Variants in PCDH15 observed in about 807,000 individuals in gnomAD.
PCDH15 encodes the protein protocadherin related 15.
PCDH15 carries 129 observed loss-of-function variants against 178.5 expected under a neutral mutation model. The observed-to-expected ratio is 0.72, with a 90% CI of 0.63 to 0.84. The LOEUF (loss-of-function observed/expected upper bound fraction) is 0.84. Among genes scored for constraint, PCDH15 ranks in the 40% least tolerant of loss-of-function variants. The pLI is 0.00. For synonymous variants in PCDH15, 800 were observed against 732.0 expected (o/e 1.09, Z -1.50); for missense variants, 2,230 against 2,099.9 (o/e 1.06, Z -1.21).
chr10:54,629,475 A>G (rs552583148), intron 2 of PCDH15, among the ~76,000 whole-genome samples: 15 of 152,284 alleles, frequency 9.9e-5, no homozygotes, highest in African/African-American at 3.6e-4. Context: ...CACCTCATAC[A>G]CAAAACAAAA....
intron 2 of PCDH15, among the ~76,000 whole-genome samples, chr10:54,586,155 C>T (rs976241850): frequency 6.6e-6 from 1 of 151,944 alleles, no homozygotes; most frequent in African/African-American, 2.4e-5. Context: ...TATTGCTGTT[C>T]CATTACAGAT....
intron 28 of PCDH15, among the ~76,000 whole-genome samples, chr10:53,851,930 C>T (rs550783829): frequency 1.3e-3 from 194 of 151,546 alleles, no homozygotes; most frequent in Middle Eastern, 0.01. Context: ...TTCAGTAAAG[C>T]TCTACTATAA....
intron 13 of PCDH15, among the ~76,000 whole-genome samples, chr10:54,154,190 G>GA: frequency 6.6e-6 from 1 of 152,076 alleles, no homozygotes; most frequent in South Asian, 2.1e-4. Context: ...AATTAAAGGG[G>GA]AAAAAGAATA....
chr10:54,949,025 A>C (rs1408564669), intron 2 of PCDH15, among the ~76,000 whole-genome samples: 1 of 151,966 alleles, frequency 6.6e-6, no homozygotes, highest in African/African-American at 2.4e-5. Flanking sequence ...ATATTTACTA[A>C]TAATCTAGTG....
chr10:54,721,689 ATAGACCCATAATGAC>A (rs1941639215), intron 1 of PCDH15, among the ~76,000 whole-genome samples: 1 of 151,910 alleles, frequency 6.6e-6, no homozygotes, highest in South Asian at 2.1e-4. Context: ...GAAATCCTAA[ATAGACCCATAATGAC>A]TAACAAAGTT....
At chr10:54,936,068 G>A (rs982652525) in intron 2 of PCDH15, among the ~76,000 whole-genome samples, 1 of 151,894 alleles carries the variant, frequency 6.6e-6, no homozygotes, top group Admixed American at 6.6e-5. Flanking sequence ...TCAGTTCTAG[G>A]CAACCACAGA....
chr10:54,251,574 A>C (rs1331410005), intron 8 of PCDH15, among the ~76,000 whole-genome samples: 5 of 152,194 alleles, frequency 3.3e-5, no homozygotes, highest in African/African-American at 9.6e-5. Flanking sequence ...AGGCTGATGC[A>C]GACAAAGTCT....
At chr10:55,231,269 A>G (rs1841211990) in intron 1 of PCDH15, among the ~76,000 whole-genome samples, 1 of 152,060 alleles carries the variant, frequency 6.6e-6, no homozygotes, top group Admixed American at 6.6e-5. Context: ...AATTGCTAAG[A>G]AATCTGGAGA....
intron 2 of PCDH15, among the ~76,000 whole-genome samples, chr10:54,971,748 T>G (rs1838938294): frequency 6.6e-6 from 1 of 152,188 alleles, no homozygotes; most frequent in South Asian, 2.1e-4. Flanking sequence ...TAGTAAACAC[T>G]TAATAAATAA....
intron 1 of PCDH15, among the ~76,000 whole-genome samples, chr10:54,687,444 A>T (rs893690073): frequency 1.3e-5 from 2 of 152,154 alleles, no homozygotes; most frequent in African/African-American, 4.8e-5. Context: ...GAATAAAAAA[A>T]TGTGCTACAT....
chr10:53,895,936 G>A (rs2133557090), intron 26 of PCDH15, among the ~76,000 whole-genome samples: 1 of 152,206 alleles, frequency 6.6e-6, no homozygotes, highest in African/African-American at 2.4e-5. Context: ...CTTGAACTGA[G>A]GTAGACCTAA....
intron 13 of PCDH15, among the ~76,000 whole-genome samples, chr10:54,167,125 G>A (rs1053073847): frequency 2.6e-5 from 4 of 152,200 alleles, no homozygotes; most frequent in African/African-American, 7.2e-5. Context: ...GGACGCGCAT[G>A]AAATTTGGTG....
chr10:54,697,515 G>GTGTATATATATACATATATATA (rs1555156234), intron 1 of PCDH15, among the ~76,000 whole-genome samples: 4 of 143,112 alleles, frequency 2.8e-5, no homozygotes, highest in African/African-American at 1.1e-4. Flanking sequence ...TGAAATGTGT[G>GTGTATATATATACATATATATA]TATATATATA....
chr10:55,176,511 C>A (rs1051685974), intron 1 of PCDH15, among the ~76,000 whole-genome samples: 1 of 152,188 alleles, frequency 6.6e-6, no homozygotes, highest in Non-Finnish European at 1.5e-5. Flanking sequence ...TAACCAGAGA[C>A]AAGATCCCAA....
chr10:54,758,356 C>A (rs982345662), intron 1 of PCDH15, among the ~76,000 whole-genome samples: 3 of 152,142 alleles, frequency 2.0e-5, no homozygotes, highest in Admixed American at 1.3e-4. Flanking sequence ...CAGACCCCAG[C>A]CAGCCACAAG....
At chr10:54,389,686 C>A (rs1756758167) in intron 3 of PCDH15, among the ~76,000 whole-genome samples, 1 of 152,022 alleles carries the variant, frequency 6.6e-6, no homozygotes, top group African/African-American at 2.4e-5. Context: ...CGCCTGTAAT[C>A]CCAGCACTTT....
intron 2 of PCDH15, among the ~76,000 whole-genome samples, chr10:55,003,215 A>T (rs1441080672): frequency 5.3e-5 from 8 of 152,314 alleles, no homozygotes; most frequent in African/African-American, 1.4e-4. Flanking sequence ...AAAGCAACTT[A>T]TAATTAGCTA....
At chr10:53,876,901 G>T (rs899637484) in intron 26 of PCDH15, among the ~76,000 whole-genome samples, 1 of 152,112 alleles carries the variant, frequency 6.6e-6, no homozygotes, top group Non-Finnish European at 1.5e-5. Flanking sequence ...TGCCATCATA[G>T]TTTGAATTAC....
At chr10:54,320,309 T>C (rs2061518973) in intron 7 of PCDH15, among the ~76,000 whole-genome samples, 1 of 152,070 alleles carries the variant, frequency 6.6e-6, no homozygotes, top group East Asian at 1.9e-4. Context: ...CTTTGACTCC[T>C]AGAAACCTAG....
Sources: gnomAD v4.1 joint callset for allele counts (sites outside exome capture counted in the v4.1 genomes callset) on GRCh38, gnomAD v4.1.1 for gene constraint, MANE v1.5 for transcripts, NCBI Gene and HGNC (gene_info 2026-07-23, HGNC 2026-07-21) for gene names.